The following RLF variants were observed in gnomAD, a reference collection of about 807,000 sequenced individuals.
RLF encodes the protein RLF zinc finger, also known as zinc finger protein Rlf.
In RLF, 7 loss-of-function variants were observed where a neutral mutation model predicts 162.9. The ratio of observed to expected loss-of-function variants is 0.04; its 90% CI spans 0.02 to 0.08. The LOEUF (loss-of-function observed/expected upper bound fraction) is 0.08. RLF is among the 10% of genes least tolerant of loss of function. RLF has a pLI of 1.00. For synonymous variants in RLF, 782 were observed against 791.5 expected (o/e 0.99, Z 0.20); for missense variants, 1,664 against 2,244.7 (o/e 0.74, Z 5.23).
intron 1 of RLF, among the ~76,000 whole-genome samples, chr1:40,171,104 G>A (rs1005652129): frequency 1.3e-5 from 2 of 152,148 alleles, no homozygotes; most frequent in Admixed American, 1.3e-4. Context: ...TTAGCTTACA[G>A]TAACCTCAAA....
At chr1:40,192,886 A>G (rs1477068805) in intron 3 of RLF, among the ~76,000 whole-genome samples, 2 of 152,176 alleles carry the variant, frequency 1.3e-5, no homozygotes, top group Non-Finnish European at 2.9e-5. Context: ...TTTCCTATGG[A>G]CATAAAAATA....
chr1:40,170,583 T>A (rs562040634), intron 1 of RLF, among the ~76,000 whole-genome samples: 1 of 152,274 alleles, frequency 6.6e-6, no homozygotes, highest in African/African-American at 2.4e-5. Context: ...CTTCAGTTCT[T>A]TGAATATACA....
chr1:40,237,477 ATTG>A lies in RLF; in HGVS notation c.2778_2780del (p.Leu927del), dbSNP rs1643231526. 3 of 1,613,984 alleles carry A rather than the reference ATTG, an allele frequency of 1.9e-6. No homozygotes were observed. The highest frequency in any genetic ancestry group is 1.1e-5 in the South Asian group (1 of 91,082). Reference sequence around the variant, plus strand: ...ATCACTCTGAAACTATGCAGGATGTATTGTTATCTAATGAGAAAGTCTTTGGGC... The same window carrying A: ...ATCACTCTGAAACTATGCAGGATGTATTATCTAATGAGAAAGTCTTTGGGC... On this transcript the variant is annotated inframe_deletion, in exon 8 of 8. Coordinates refer to ENST00000372771, the MANE Select transcript of RLF (RefSeq NM_012421.4). The surrounding 1 kb of genome is among the most constrained non-coding windows in gnomAD (Gnocchi z 4.4).
chr1:40,175,361 C>A (rs1226620712), intron 1 of RLF, among the ~76,000 whole-genome samples: 2 of 151,916 alleles, frequency 1.3e-5, no homozygotes, highest in East Asian at 3.9e-4. Context: ...ACTTAAAATT[C>A]TCATTCTGGC....
intron 1 of RLF, among the ~76,000 whole-genome samples, chr1:40,162,087 ATCT>A (rs917401769): frequency 6.6e-6 from 1 of 151,922 alleles, no homozygotes; most frequent in African/African-American, 2.4e-5. Context: ...TGGAGTTAAC[ATCT>A]TCTGGGCTCC....
chr1:40,220,871 A>G (rs1642983114), intron 5 of RLF, among the ~76,000 whole-genome samples: 1 of 151,924 alleles, frequency 6.6e-6, no homozygotes, highest in South Asian at 2.1e-4. Flanking sequence ...CACAACTATA[A>G]TCCCAACACT....
chr1:40,189,064 C>A lies in RLF; in HGVS notation c.247C>A (p.Gln83Lys). The change falls in exon 2 of 8, where the codon CAA becomes AAA. Residue 83 changes from glutamine to lysine, a missense_variant. Transcript: ENST00000372771. ...YCRSFCQTLL[Q>K]YASNKNASEH... ...TAATTTTATTTTGTAGACCTTATTG[C>A]AATATGCAAGCAACAAGAATGCATC... 1 of 1,583,038 alleles carries A rather than the reference C, an allele frequency of 6.3e-7. No individual in the cohort carries two copies.
In RLF at chr1:40,185,072, C is replaced by G. The variant is rs532108756; in HGVS notation, c.238-3983C>G. Among the ~76,000 whole-genome samples, 217 of 150,800 alleles carry G rather than the reference C, an allele frequency of 1.4e-3. 1 individual carries two copies. Among genetic ancestry groups the G allele is most frequent in the African/African-American group, 5.0e-3 (206 of 41,136 alleles). ...GGGCAGCAAAGAGACCCTGTCCCTA[C>G]AAAAAAAAAGTTTTTTTTAATTGGC... On this transcript the variant is annotated intron_variant, in intron 1 of 7. Coordinates refer to ENST00000372771, the MANE Select transcript of RLF (RefSeq NM_012421.4).
intron 5 of RLF, among the ~76,000 whole-genome samples, chr1:40,221,696 T>G (rs61778546): frequency 1.1e-4 from 16 of 151,566 alleles, no homozygotes; most frequent in South Asian, 4.2e-4. Context: ...GTCTGGAGAT[T>G]GAGACCATCC....
chr1:40,179,881 AAT>A lies in RLF; in HGVS notation c.238-9170_238-9169del, dbSNP rs1449100513. 2.0e-5 allele frequency among the ~76,000 whole-genome samples: 3 copies of A among 152,212 alleles called. No individual in the cohort carries two copies. In the South Asian group the frequency reaches 6.2e-4, roughly 32 times the overall value. ...TTGTTGTGACTGCCATATTTCACTTAATATAGTGTCCTCAAGATATATCATGT... is the reference window on the plus strand; with the variant it reads ...TTGTTGTGACTGCCATATTTCACTTAATAGTGTCCTCAAGATATATCATGT... On this transcript the variant is annotated intron_variant, in intron 1 of 7. Transcript: ENST00000372771.
intron 4 of RLF, among the ~76,000 whole-genome samples, chr1:40,198,520 C>A (rs1368274735): frequency 6.6e-6 from 1 of 152,144 alleles, no homozygotes; most frequent in East Asian, 1.9e-4. Context: ...AGGCTGGTCT[C>A]GAACTCCTGA....
At chr1:40,163,277 A>G (rs1303733805) in intron 1 of RLF, among the ~76,000 whole-genome samples, 1 of 152,078 alleles carries the variant, frequency 6.6e-6, no homozygotes, top group Non-Finnish European at 1.5e-5. Context: ...AAAGGTAGAG[A>G]TTGGTAAGGA....
Position 40,222,534 on chromosome 1 carries a change from C to CA in RLF, c.811-39dup, listed in dbSNP as rs1432702734. 3 of 1,596,314 alleles carry CA rather than the reference C, an allele frequency of 1.9e-6. No individual in the cohort carries two copies. The African/African-American group carries it at 4.0e-5, about 22-fold the overall frequency. On this transcript the variant is annotated intron_variant, in intron 5 of 7. Coordinates refer to ENST00000372771, the MANE Select transcript of RLF (RefSeq NM_012421.4). ...TATATAACAAAGTTTACTGAAAAGT[C>CA]ACCATTTTCTTTTTGACTTAGTCAT... is the stretch of plus-strand genomic sequence containing the variant.
In RLF at chr1:40,238,900, G is replaced by C. The variant is rs766622773; in HGVS notation, c.4198G>C (p.Glu1400Gln). The C allele has an allele frequency of 2.5e-6, 4 of 1,614,040 alleles. No individual in the cohort carries two copies. The Admixed American group carries it at 5.0e-5, about 20-fold the overall frequency. The change falls in exon 8 of 8, where the codon GAA becomes CAA. Residue 1400 changes from glutamate to glutamine, a missense_variant. Coordinates refer to ENST00000372771, the MANE Select transcript of RLF (RefSeq NM_012421.4). The surrounding 1 kb of genome is among the most constrained non-coding windows in gnomAD (Gnocchi z 5.2). ...DHIEEPKVLS[E>Q]AGSAARFSCN... is the part of the protein sequence containing the mutation. Reference sequence around the variant, plus strand: ...TATTGAAGAGCCTAAAGTACTTTCCGAAGCTGGATCTGCAGCAAGGTTTTC... The same window carrying C: ...TATTGAAGAGCCTAAAGTACTTTCCCAAGCTGGATCTGCAGCAAGGTTTTC...
At position 40,202,562 on chromosome 1, in the gene RLF, C is replaced by A. The variant is rs764959739; in HGVS notation, c.758C>A (p.Ala253Asp). 1 of 1,563,204 alleles carries A rather than the reference C, an allele frequency of 6.4e-7. No individual in the cohort carries two copies. The highest frequency in any genetic ancestry group is 8.6e-7 in the Non-Finnish European group (1 of 1,165,178). Residue 253 changes from alanine to aspartate, a missense_variant, in exon 5 of 8, where the codon GCC becomes GAC. Ala to Asp is a moderately radical substitution (Grantham distance 126). This residue lies in a region of RLF where 287 missense variants were observed against 404.9 expected (regional missense o/e 0.71). Coordinates refer to ENST00000372771, the MANE Select transcript of RLF (RefSeq NM_012421.4). ...TCAAATGTGTCATCTTTTCAGCAAG[C>A]CTATATCACATGTTTATGTTCTATG... The part of the protein sequence containing the change: ...EISNVSSFQQ[A>D]YITCLCSMLP...
intron 2 of RLF, among the ~76,000 whole-genome samples, chr1:40,190,053 G>A (rs1642535669): frequency 6.6e-6 from 1 of 151,924 alleles, no homozygotes; most frequent in South Asian, 2.1e-4. Context: ...GCCCTTTATG[G>A]AAGACCAGCA....
At chr1:40,207,228 G>A (rs1036886302) in intron 5 of RLF, among the ~76,000 whole-genome samples, 2 of 152,154 alleles carry the variant, frequency 1.3e-5, no homozygotes, top group African/African-American at 2.4e-5. Context: ...TTAATGAAAG[G>A]TATAGCCTCA....
chr1:40,206,763 G>T (rs946686722), intron 5 of RLF, among the ~76,000 whole-genome samples: 1 of 152,124 alleles, frequency 6.6e-6, no homozygotes, highest in African/African-American at 2.4e-5. Context: ...CTTTGAACAA[G>T]CCAAGGATGT....
chr1:40,162,177 G>A (rs1241615133), intron 1 of RLF, among the ~76,000 whole-genome samples: 1 of 150,104 alleles, frequency 6.7e-6, no homozygotes, highest in Admixed American at 6.6e-5. Flanking sequence ...TGGTTGTTTG[G>A]TTTTTGCTTT....
Sources: allele counts gnomAD v4.1 joint callset (sites outside exome capture counted in the v4.1 genomes callset), GRCh38; gene constraint gnomAD v4.1.1; regional missense constraint gnomAD v4.1.1; non-coding constraint Gnocchi (gnomAD v3.1); transcripts MANE v1.5; gene names NCBI Gene and HGNC (gene_info 2026-07-23, HGNC 2026-07-21).